Variants in SEMA3A observed in about 807,000 individuals in gnomAD.
SEMA3A encodes semaphorin-3A.
Under a neutral mutation model 97.9 loss-of-function variants are expected in SEMA3A, and 29 were observed. The ratio of observed to expected loss-of-function variants is 0.30; its 90% CI spans 0.22 to 0.40. SEMA3A has a LOEUF of 0.40. Ranked by LOEUF, SEMA3A falls within the 10% of genes least tolerant of loss-of-function variation. SEMA3A has a pLI of 1.00. For missense variants in SEMA3A, 763 were observed against 951.3 expected, an observed-to-expected ratio of 0.80 and a Z score of 2.60; for synonymous variants, 321 against 323.7, an observed-to-expected ratio of 0.99 and a Z score of 0.09.
chr7:84,301,565 T>A (rs960772817), intron 3 of SEMA3A, among the ~76,000 whole-genome samples: 3 of 152,148 alleles, frequency 2.0e-5, no homozygotes, highest in Non-Finnish European at 4.4e-5. Flanking sequence ...TAAAGATTCA[T>A]GCCATGAAGT....
intron 1 of SEMA3A, among the ~76,000 whole-genome samples, chr7:84,398,949 G>T (rs2116202140): frequency 6.6e-6 from 1 of 152,272 alleles, no homozygotes; most frequent in African/African-American, 2.4e-5. Context: ...CATGCAAAAA[G>T]AAAGCACCTT....
At chr7:84,390,681 T>C (rs1266543379) in intron 1 of SEMA3A, among the ~76,000 whole-genome samples, 2 of 151,972 alleles carry the variant, frequency 1.3e-5, no homozygotes, top group Non-Finnish European at 2.9e-5. Context: ...CCTCTAAATG[T>C]AGTAGTGCTG....
intron 1 of SEMA3A, among the ~76,000 whole-genome samples, chr7:84,416,117 G>T (rs1804426779): frequency 6.6e-6 from 1 of 152,090 alleles, no homozygotes; most frequent in East Asian, 1.9e-4. Context: ...GTTTGGCTAT[G>T]TCCCCACCCA....
intron 6 of SEMA3A, among the ~76,000 whole-genome samples, chr7:84,038,271 T>C (rs1712555815): frequency 6.6e-6 from 1 of 152,108 alleles, no homozygotes; most frequent in Non-Finnish European, 1.5e-5. Context: ...GCCACTTTGA[T>C]TGCTTTCCTA....
At chr7:84,062,199 A>C (rs1201477748) in intron 4 of SEMA3A, among the ~76,000 whole-genome samples, 1 of 152,210 alleles carries the variant, frequency 6.6e-6, no homozygotes, top group Non-Finnish European at 1.5e-5. Context: ...TGTTGCCATT[A>C]TTTTCAACTT....
intron 1 of SEMA3A, among the ~76,000 whole-genome samples, chr7:84,434,184 T>C (rs1030221196): frequency 6.7e-6 from 1 of 150,248 alleles, no homozygotes; most frequent in Admixed American, 6.6e-5. Flanking sequence ...ATGTGGATCA[T>C]TTTTTCTTGT....
chr7:84,467,778 T>C (rs1806041331), intron 1 of SEMA3A, among the ~76,000 whole-genome samples: 1 of 152,186 alleles, frequency 6.6e-6, no homozygotes, highest in Non-Finnish European at 1.5e-5. Flanking sequence ...TCCTTTTTAT[T>C]TCCTTTGATA....
intron 1 of SEMA3A, among the ~76,000 whole-genome samples, chr7:84,163,989 G>A (rs1405324325): frequency 1.3e-5 from 2 of 151,988 alleles, no homozygotes; most frequent in Admixed American, 6.6e-5. Flanking sequence ...GGGATTACAG[G>A]CATGTGCCAC....
At chr7:84,358,624 T>A (rs1292920827) in intron 2 of SEMA3A, among the ~76,000 whole-genome samples, 1 of 152,132 alleles carries the variant, frequency 6.6e-6, no homozygotes, top group East Asian at 1.9e-4. Context: ...ATGTGGGCTC[T>A]TTTTTGGTTC....
chr7:84,179,148 C>T (rs185429428), intron 1 of SEMA3A, among the ~76,000 whole-genome samples: 1 of 152,070 alleles, frequency 6.6e-6, no homozygotes, highest in Non-Finnish European at 1.5e-5. Flanking sequence ...AACATAAGTT[C>T]TTTGGTGCAG....
At chr7:84,223,426 G>A (rs2189443) in intron 3 of SEMA3A, among the ~76,000 whole-genome samples, 4,643 of 151,884 alleles carry the variant, frequency 0.031, 95 homozygotes, top group Non-Finnish European at 0.045. Flanking sequence ...GAGAGGTTAA[G>A]CCACTGACAA....
intron 6 of SEMA3A, among the ~76,000 whole-genome samples, chr7:84,022,528 T>C (rs1043931193): frequency 1.3e-5 from 2 of 152,234 alleles, no homozygotes; most frequent in Non-Finnish European, 2.9e-5. Flanking sequence ...ACAGCGACCC[T>C]GGATATCTTT....
chr7:84,324,138 T>C (rs917147640), intron 2 of SEMA3A, among the ~76,000 whole-genome samples: 11 of 152,210 alleles, frequency 7.2e-5, no homozygotes, highest in African/African-American at 1.2e-4. Flanking sequence ...ATTTAAATTT[T>C]TGGCACAAAG....
Position 84,046,306 on chromosome 7 carries a change from C to G in SEMA3A, c.667+18G>C. 1 of 1,611,920 alleles carries G rather than the reference C, an allele frequency of 6.2e-7. No individual in the cohort carries two copies. Among genetic ancestry groups the G allele is most frequent in the Non-Finnish European group, 8.5e-7 (1 of 1,178,866 alleles). On this transcript the variant is annotated intron_variant, in intron 6 of 16. Transcript: ENST00000265362. ...GTTACACATGTTACATGTCTATGTT[C>G]TTTCATAAACCACCTACCATTGAGC...
At chr7:84,420,796 T>A (rs1368520445) in intron 1 of SEMA3A, among the ~76,000 whole-genome samples, 1 of 152,128 alleles carries the variant, frequency 6.6e-6, no homozygotes, top group Non-Finnish European at 1.5e-5. Context: ...TATAGTATTC[T>A]TGGATGGTAG....
intron 15 of SEMA3A, among the ~76,000 whole-genome samples, chr7:83,974,904 C>G (rs999670910): frequency 1.3e-5 from 2 of 152,120 alleles, no homozygotes; most frequent in East Asian, 3.9e-4. Context: ...CCACAACCCT[C>G]CCCCAAAAGA....
intron 1 of SEMA3A, among the ~76,000 whole-genome samples, chr7:84,442,513 C>CA (rs902723545): frequency 4.6e-5 from 7 of 151,318 alleles, no homozygotes; most frequent in Admixed American, 6.6e-5. Flanking sequence ...ACTTCTACTA[C>CA]AAAAAAAATC....
chr7:84,465,720 T>C (rs1206257600), intron 1 of SEMA3A, among the ~76,000 whole-genome samples: 1 of 152,164 alleles, frequency 6.6e-6, no homozygotes. Context: ...TTGCCTCATT[T>C]CAATGTACAT....
chr7:84,231,888 A>T (rs1046310273), intron 3 of SEMA3A, among the ~76,000 whole-genome samples: 2 of 151,634 alleles, frequency 1.3e-5, no homozygotes, highest in Non-Finnish European at 2.9e-5. Context: ...CAGAAAAATA[A>T]CTCCCCCAGA....
Sources: gnomAD v4.1 joint callset for allele counts (sites outside exome capture counted in the v4.1 genomes callset) on GRCh38, gnomAD v4.1.1 for gene constraint, MANE v1.5 for transcripts, NCBI Gene and HGNC (gene_info 2026-07-23, HGNC 2026-07-21) for gene names.